Variants in ZDHHC16 observed in about 807,000 individuals in gnomAD.
ZDHHC16 encodes the protein palmitoyltransferase ZDHHC16.
A neutral mutation model predicts 54.4 loss-of-function variants in ZDHHC16; 33 were observed. That is an observed-to-expected ratio of 0.61 (90% CI 0.46 to 0.81). ZDHHC16 has a LOEUF of 0.81. ZDHHC16 is among the 30% of genes least tolerant of loss of function. The pLI, the probability that ZDHHC16 is intolerant of heterozygous loss-of-function variation, is 0.00. For synonymous variants in ZDHHC16, 185 were observed against 182.1 expected (o/e 1.02, Z -0.13); for missense variants, 420 against 485.9 (o/e 0.86, Z 1.28).
At chr10:97,447,962 G>T (rs569923217) in intron 1 of ZDHHC16, among the ~76,000 whole-genome samples, 1 of 151,720 alleles carries the variant, frequency 6.6e-6, no homozygotes, top group African/African-American at 2.4e-5. Context: ...GTTCAGTTGC[G>T]GCCCACTTAC....
rs1589519514 is a variant in ZDHHC16 at position 97,456,030 on chromosome 10, T to G, written c.1005T>G (p.Gly335=). ...GCLDNWKVFL[G]VDTGRHWLTR... is the part of the protein sequence containing the mutation. The stretch of plus-strand genomic sequence containing the variant: ...TGGACAACTGGAAGGTATTCCTGGG[T>G]GTGGATACAGGAAGGTAATGTAAGA... The change falls in exon 11 of 12, where the codon GGT becomes GGG. Residue 335 remains glycine (G), a synonymous_variant. Transcript: ENST00000393760. 1 of 1,614,178 alleles carries G rather than the reference T, an allele frequency of 6.2e-7. No homozygotes were observed. Among genetic ancestry groups the G allele is most frequent in the East Asian group, 2.2e-5 (1 of 44,890 alleles).
intron 9 of ZDHHC16, among the ~76,000 whole-genome samples, chr10:97,455,134 G>C (rs1847045015): frequency 6.6e-6 from 1 of 152,216 alleles, no homozygotes; most frequent in Non-Finnish European, 1.5e-5. Flanking sequence ...GCAGTGAAGT[G>C]AAGTGACTTG....
chr10:97,451,314 C>T, intron 2 of ZDHHC16: 1 of 241,400 alleles, frequency 4.1e-6, no homozygotes, highest in Non-Finnish European at 8.1e-6. Context: ...AGTCTGTCTA[C>T]ACAGACAACT....
Position 97,456,060 on chromosome 10 carries a change from C to A in ZDHHC16, c.1019+16C>A, listed in dbSNP as rs761081232. The A allele has an allele frequency of 1.9e-6, 3 of 1,612,638 alleles. No homozygotes were observed. Among genetic ancestry groups the A allele is most frequent in the Non-Finnish European group, 2.5e-6 (3 of 1,179,100 alleles). On this transcript the variant is annotated intron_variant, in intron 11 of 11. Transcript: ENST00000393760. ...ATACAGGAAGGTAATGTAAGACACA[C>A]AGACTAATGCTGTCCAACAGAACAC...
At chr10:97,449,716 G>A (rs995518609) in intron 1 of ZDHHC16, among the ~76,000 whole-genome samples, 2 of 152,042 alleles carry the variant, frequency 1.3e-5, no homozygotes, top group Non-Finnish European at 2.9e-5. Context: ...TTCCAGTAGA[G>A]ACAGTGTTTC....
At chr10:97,456,248 C>A in intron 11 of ZDHHC16, 1 of 549,986 alleles carries the variant, frequency 1.8e-6, no homozygotes, top group Non-Finnish European at 3.1e-6. Context: ...GAGGCTTCAA[C>A]GTGACTACAG....
intron 1 of ZDHHC16, among the ~76,000 whole-genome samples, chr10:97,446,653 G>A (rs1795372774): frequency 6.6e-6 from 1 of 152,200 alleles, no homozygotes; most frequent in South Asian, 2.1e-4. Flanking sequence ...TGGAACCCAC[G>A]GTTTTTGACT....
In ZDHHC16 at chr10:97,451,804, G is replaced by A. The variant is rs1303873831; in HGVS notation, c.129G>A (p.Lys43=). ...RGLVQRWRYG[K]VCLRSLLYNS... The stretch of plus-strand genomic sequence containing the variant: ...TAGTACAGCGCTGGCGCTACGGCAA[G>A]GTCTGCCTGCGCTCCCTGCTCTACA... Residue 43 remains lysine (K), a synonymous_variant, in exon 3 of 12, where the codon AAG becomes AAA. Coordinates refer to ENST00000393760, the MANE Select transcript of ZDHHC16 (RefSeq NM_198046.3). 6.2e-7 allele frequency: 1 copy of A among 1,614,208 alleles called. No individual in the cohort carries two copies. Among genetic ancestry groups the A allele is most frequent in the East Asian group, 2.2e-5 (1 of 44,880 alleles).
At chr10:97,454,568 C>T (rs1016510884) in intron 8 of ZDHHC16, 146 bp from the exon 9 acceptor site, 2 of 705,980 alleles carry the variant, frequency 2.8e-6, no homozygotes, top group Non-Finnish European at 4.9e-6. Flanking sequence ...CTTGGTCCAC[C>T]CATCTTGGCT....
At chr10:97,454,424 T>C (rs1230387972) in intron 8 of ZDHHC16, among the ~76,000 whole-genome samples, 1 of 152,218 alleles carries the variant, frequency 6.6e-6, no homozygotes, top group Non-Finnish European at 1.5e-5. Context: ...TGGCTGGGGA[T>C]TGGAGTGGCT....
At chr10:97,455,807 G>T (rs1363697712) in intron 10 of ZDHHC16, 24 bp downstream of exon 10, 1 of 1,609,744 alleles carries the variant, frequency 6.2e-7, no homozygotes, top group Non-Finnish European at 8.5e-7. Flanking sequence ...AAGGCTCGGG[G>T]TGGGTAGGTG....
chr10:97,455,946 C>G, intron 10 of ZDHHC16, 28 bp from the exon 11 acceptor site: 1 of 1,613,446 alleles, frequency 6.2e-7, no homozygotes, highest in Non-Finnish European at 8.5e-7. Flanking sequence ...ATTAGAAGTT[C>G]AAAGAAACAT....
At chr10:97,456,122 G>A (rs1847161133) in intron 11 of ZDHHC16, 78 bp downstream of exon 11, 1 of 1,441,580 alleles carries the variant, frequency 6.9e-7, no homozygotes, top group Non-Finnish European at 9.7e-7. Flanking sequence ...GTGAGCACTT[G>A]GAATATGGCT....
rs1004619128 is a variant in ZDHHC16 at position 97,456,194 on chromosome 10, C to G, written c.1019+150C>G. On this transcript the variant is annotated intron_variant, in intron 11 of 11. Coordinates refer to ENST00000393760, the MANE Select transcript of ZDHHC16 (RefSeq NM_198046.3). The stretch of plus-strand genomic sequence containing the variant: ...AATAGAGATCATTGTCCATTTGAAC[C>G]AGAAAGGCTTGAGGCCAATACTGTG... 6 of 841,534 alleles carry G rather than the reference C, an allele frequency of 7.1e-6. No homozygotes were observed. In the African/African-American group the frequency reaches 1.0e-4, roughly 14 times the overall value. The allele number at this position is 841,534 out of a possible 1,614,324, so 52.1% of individuals were successfully genotyped here.
In ZDHHC16 at chr10:97,452,876, C is replaced by A. The variant is rs1482005915; in HGVS notation, c.528-19C>A. Reference sequence around the variant, plus strand: ...AGAACTTTGGCCACCGTAACAGAGCCTGTGTCCCTTCCTCACAGGTGTGTG... The same window carrying A: ...AGAACTTTGGCCACCGTAACAGAGCATGTGTCCCTTCCTCACAGGTGTGTG... On this transcript the variant is annotated intron_variant, in intron 5 of 11. Transcript: ENST00000393760. The A allele has an allele frequency of 1.2e-6, 2 of 1,614,110 alleles. No homozygotes were observed. The highest frequency in any genetic ancestry group is 1.1e-5 in the South Asian group (1 of 91,094).
chr10:97,447,229 CTTT>C (rs956014689), intron 1 of ZDHHC16, among the ~76,000 whole-genome samples: 2 of 152,228 alleles, frequency 1.3e-5, no homozygotes, highest in Non-Finnish European at 2.9e-5. Flanking sequence ...AAATGCTACT[CTTT>C]ATTGATGTTG....
rs1326812120 is a variant in ZDHHC16 at position 97,446,301 on chromosome 10, C to T, written c.-238C>T. 4 of 484,118 alleles carry T rather than the reference C, an allele frequency of 8.3e-6. No individual in the cohort carries two copies. The highest frequency in any genetic ancestry group is 1.5e-5 in the Non-Finnish European group (4 of 268,332). The allele number at this position is 484,118 out of a possible 1,614,324, so 30.0% of individuals were successfully genotyped here. ...AGTCGGAGGGGGTGGCAGTGAGCGG[C>T]GGCAGAGGCTACGGGGCTCGGTTTG... On this transcript the variant is annotated 5_prime_UTR_variant, in exon 1 of 12. Coordinates refer to ENST00000393760, the MANE Select transcript of ZDHHC16 (RefSeq NM_198046.3).
intron 9 of ZDHHC16, 135 bp from the exon 10 acceptor site, chr10:97,455,525 A>G: frequency 1.4e-6 from 2 of 1,421,654 alleles, no homozygotes; most frequent in Non-Finnish European, 9.7e-7. Flanking sequence ...AAGTTTATCT[A>G]GGATATATGG....
chr10:97,455,835 T>A (rs768849506), intron 10 of ZDHHC16, 52 bp downstream of exon 10: 1 of 1,604,778 alleles, frequency 6.2e-7, no homozygotes, highest in Non-Finnish European at 8.5e-7. Context: ...GAACTTGCTC[T>A]CCTGTAAACA....
Sources: allele counts gnomAD v4.1 joint callset (sites outside exome capture counted in the v4.1 genomes callset), GRCh38; gene constraint gnomAD v4.1.1; transcripts MANE v1.5; gene names NCBI Gene and HGNC (gene_info 2026-07-23, HGNC 2026-07-21).